The following SVOP variants were observed in gnomAD, a reference collection of about 807,000 sequenced individuals.
The protein encoded by SVOP is synaptic vesicle 2-related protein.
A neutral mutation model predicts 69.1 loss-of-function variants in SVOP; 17 were observed. That is an observed-to-expected ratio of 0.25 (90% confidence interval 0.17 to 0.37). The LOEUF is 0.37. Ranked by LOEUF, SVOP falls within the 10% of genes least tolerant of loss-of-function variation. The probability of loss-of-function intolerance (pLI) is 1.00; values close to 1 mark genes in which losing one functional copy is unlikely to be tolerated. For synonymous variants in SVOP, 238 were observed against 238.6 expected (o/e 1.00, Z 0.02); for missense variants, 435 against 597.5 (o/e 0.73, Z 2.84).
intron 1 of SVOP, among the ~76,000 whole-genome samples, chr12:108,997,326 G>A (rs1461605256): frequency 1.1e-4 from 16 of 151,832 alleles, no homozygotes; most frequent in Non-Finnish European, 1.9e-4. Context: ...ACGGAGTCTC[G>A]CTGATTGCTA....
At chr12:109,000,935 C>T (rs1277957197) in intron 1 of SVOP, among the ~76,000 whole-genome samples, 4 of 149,868 alleles carry the variant, frequency 2.7e-5, no homozygotes, top group South Asian at 2.1e-4. Flanking sequence ...CACTCCTATT[C>T]AACATAGTGT....
rs765709664 is a variant in SVOP at position 108,915,854 on chromosome 12, G to A, written c.1369C>T (p.Arg457Trp). The A allele has an allele frequency of 3.7e-6, 6 of 1,607,194 alleles. No homozygotes were observed. The highest frequency in any genetic ancestry group is 2.2e-5 in the East Asian group (1 of 44,452). Reference protein sequence around the residue: ...YTPEVYPTATRALGLGTCSGM... With the variant: ...YTPEVYPTATWALGLGTCSGM... ...CTGCAGGTGCCCAGGCCGAGGGCCCGCGTTGCCGTGGGGTAGACCTGAAAC... is the reference window on the plus strand; with the variant it reads ...CTGCAGGTGCCCAGGCCGAGGGCCCACGTTGCCGTGGGGTAGACCTGAAAC... The change falls in exon 15 of 16, where the codon CGG becomes TGG. Residue 457 changes from arginine (R) to tryptophan (W), a missense_variant. By Grantham distance (101) the Arg-to-Trp change is moderately radical. Transcript: ENST00000610966.
chr12:108,981,299 T>C (rs2040134064), intron 2 of SVOP, among the ~76,000 whole-genome samples: 1 of 152,208 alleles, frequency 6.6e-6, no homozygotes, highest in East Asian at 1.9e-4. Context: ...ACTTGCCCTG[T>C]GTTTCACAGA....
At chr12:108,945,008 TAAACTCC>T in intron 7 of SVOP, 88 bp downstream of exon 7, 2 of 1,199,792 alleles carry the variant, frequency 1.7e-6, no homozygotes, top group Admixed American at 2.2e-5. Context: ...GTTTTTTTCT[TAAACTCC>T]CTTTTCCTTG....
chr12:108,928,551 C>A (rs2039795988), intron 11 of SVOP, among the ~76,000 whole-genome samples: 1 of 148,018 alleles, frequency 6.8e-6, no homozygotes, highest in South Asian at 2.2e-4. Context: ...GGTCATAAAA[C>A]CCAGACGGAT....
intron 7 of SVOP, among the ~76,000 whole-genome samples, chr12:108,941,482 T>A (rs1329815588): frequency 6.6e-6 from 1 of 152,258 alleles, no homozygotes; most frequent in East Asian, 1.9e-4. Flanking sequence ...ATTACAGGCA[T>A]GAGCCACCAG....
At chr12:108,941,048 C>G in intron 7 of SVOP, 139 bp from the exon 8 acceptor site, 1 of 1,268,858 alleles carries the variant, frequency 7.9e-7, no homozygotes, top group Non-Finnish European at 1.1e-6. Flanking sequence ...CACACTTTCC[C>G]TGTGGTCTAT....
At chr12:108,943,453 G>C (rs2039904228) in intron 7 of SVOP, among the ~76,000 whole-genome samples, 1 of 151,836 alleles carries the variant, frequency 6.6e-6, no homozygotes, top group South Asian at 2.1e-4. Flanking sequence ...AAAAAAATTA[G>C]CCAGGCGTGG....
intron 1 of SVOP, among the ~76,000 whole-genome samples, chr12:108,988,694 G>A (rs902826396): frequency 1.3e-5 from 2 of 150,960 alleles, no homozygotes; most frequent in Non-Finnish European, 2.9e-5. Context: ...TTAGTTATTC[G>A]GTGTCCCTTG....
At chr12:108,939,587 A>C (rs2039879275) in intron 8 of SVOP, among the ~76,000 whole-genome samples, 1 of 152,222 alleles carries the variant, frequency 6.6e-6, no homozygotes, top group Non-Finnish European at 1.5e-5. Flanking sequence ...TCTGATTTAG[A>C]GTTCTTTTGT....
At chr12:108,983,464 C>T (rs1419159171) in intron 2 of SVOP, 137 bp downstream of exon 2, 5 of 397,736 alleles carry the variant, frequency 1.3e-5, no homozygotes, top group African/African-American at 2.1e-5. Context: ...GTAGGCTCAG[C>T]TCCCACTTCC....
At position 108,956,122 on chromosome 12, in the gene SVOP, AACCCCGTCTCT is replaced by A. The variant is rs530057381; in HGVS notation, c.578+4790_578+4800del. On this transcript the variant is annotated intron_variant, in intron 6 of 15. Coordinates refer to ENST00000610966, the MANE Select transcript of SVOP (RefSeq NM_018711.5). ...GAGACCATCCTGGCCAACATGGTGA[AACCCCGTCTCT>A]ACTAAAAATACAAAAAAAATTAGCT... 3.1e-3 allele frequency among the ~76,000 whole-genome samples: 453 copies of A among 146,782 alleles called. 2 individuals are homozygous for A. Among genetic ancestry groups the A allele is most frequent in the African/African-American group, 0.01 (428 of 41,254 alleles).
chr12:109,015,722 G>A (rs1239566009), intron 1 of SVOP, among the ~76,000 whole-genome samples: 1 of 152,114 alleles, frequency 6.6e-6, no homozygotes, highest in Non-Finnish European at 1.5e-5. Flanking sequence ...GAACCTGGGA[G>A]GCAGAGGTTG....
Position 109,020,987 on chromosome 12 carries a change from A to T in SVOP, c.-119T>A. 3.2e-6 allele frequency: 2 copies of T among 615,464 alleles called. No individual in the cohort carries two copies. The allele number at this position is 615,464 out of a possible 1,614,324, so 38.1% of individuals were successfully genotyped here. On this transcript the variant is annotated 5_prime_UTR_variant, in exon 1 of 16. Transcript: ENST00000610966. The stretch of plus-strand genomic sequence containing the variant: ...AGCACCCGCGCCGCTTCCTCCCTGG[A>T]GCAGCAGCTGTTCGGGGAGGGAGCC...
chr12:108,919,018 A>G (rs77307924), intron 13 of SVOP, among the ~76,000 whole-genome samples: 3 of 140,396 alleles, frequency 2.1e-5, no homozygotes, highest in African/African-American at 7.9e-5. Flanking sequence ...CCCCACTTGT[A>G]CCCACACTTG....
intron 1 of SVOP, among the ~76,000 whole-genome samples, chr12:109,017,581 A>C (rs939640728): frequency 2.0e-5 from 3 of 152,104 alleles, no homozygotes; most frequent in Non-Finnish European, 2.9e-5. Flanking sequence ...ACAGAGTCTC[A>C]CTGTGTTGCC....
intron 6 of SVOP, among the ~76,000 whole-genome samples, chr12:108,960,690 C>T (rs2040013244): frequency 6.6e-6 from 1 of 152,158 alleles, no homozygotes; most frequent in African/African-American, 2.4e-5. Flanking sequence ...ATTATCATTT[C>T]GCTTTTACAA....
intron 10 of SVOP, among the ~76,000 whole-genome samples, chr12:108,934,565 C>T (rs769067075): frequency 1.3e-5 from 2 of 152,218 alleles, no homozygotes; most frequent in Non-Finnish European, 2.9e-5. Context: ...AGGCTGAGAC[C>T]TACTGGGCTG....
intron 1 of SVOP, among the ~76,000 whole-genome samples, chr12:108,990,690 CAG>C (rs371990127): frequency 0.77 from 108,930 of 141,634 alleles, 40,177 homozygotes; most frequent in Middle Eastern, 0.9. Context: ...TAAAACAAAA[CAG>C]AAAAATAAAT....
Sources: gnomAD v4.1 joint callset for allele counts (sites outside exome capture counted in the v4.1 genomes callset) on GRCh38, gnomAD v4.1.1 for gene constraint, MANE v1.5 for transcripts, NCBI Gene and HGNC (gene_info 2026-07-23, HGNC 2026-07-21) for gene names.